ACTR6: variants seen among roughly 807,000 people sequenced by gnomAD.
ACTR6 encodes actin-related protein 6.
A neutral mutation model predicts 52.5 loss-of-function variants in ACTR6; 50 were observed. The observed-to-expected ratio is 0.95, with a 90% CI of 0.76 to 1.20. ACTR6 has a LOEUF of 1.20. ACTR6 is among the 50% of genes most tolerant of loss of function. ACTR6 has a pLI of 0.00. For synonymous variants in ACTR6, 135 were observed against 147.2 expected, an observed-to-expected ratio of 0.92 and a Z score of 0.60; for missense variants, 344 against 472.4, an observed-to-expected ratio of 0.73 and a Z score of 2.52.
At chr12:100,221,579 T>C (rs1479606865) in intron 10 of ACTR6, 1 of 152,060 alleles carries the variant, frequency 6.6e-6, no homozygotes, top group Non-Finnish European at 1.5e-5. Context: ...TAAATATATG[T>C]GTATACTTAT....
At position 100,218,634 on chromosome 12, in the gene ACTR6, C is replaced by T. The variant is rs2096125676; in HGVS notation, c.922+48C>T. 1.9e-5 allele frequency: 24 copies of T among 1,250,238 alleles called. No individual in the cohort carries two copies. Among genetic ancestry groups the T allele is most frequent in the Non-Finnish European group, 2.5e-5 (24 of 957,088 alleles). The allele number at this position is 1,250,238 out of a possible 1,614,324, so 77.4% of individuals were successfully genotyped here. On this transcript the variant is annotated intron_variant, in intron 9 of 10. Transcript: ENST00000188312. The surrounding 1 kb of genome is among the most constrained non-coding windows in gnomAD (Gnocchi z 4.2). ...TAAAGAATTATAATTGTTTTAAAAACATCATAAGCCCTGTGAACCCTGTTT... is the reference window on the plus strand; with the variant it reads ...TAAAGAATTATAATTGTTTTAAAAATATCATAAGCCCTGTGAACCCTGTTT...
At chr12:100,223,731 G>C in intron 10 of ACTR6, 55 bp from the exon 11 acceptor site, 2 of 1,560,732 alleles carry the variant, frequency 1.3e-6, no homozygotes, top group South Asian at 2.4e-5. Flanking sequence ...TTATGTTTCA[G>C]GCATTTCAGT....
intron 1 of ACTR6, among the ~76,000 whole-genome samples, chr12:100,203,269 T>G (rs1439139385): frequency 6.6e-6 from 1 of 152,138 alleles, no homozygotes; most frequent in Non-Finnish European, 1.5e-5. Context: ...CTATAGCATC[T>G]TGCTGATTGA....
intron 8 of ACTR6, among the ~76,000 whole-genome samples, chr12:100,217,091 T>C (rs1185775405): frequency 6.6e-6 from 1 of 152,188 alleles, no homozygotes; most frequent in Non-Finnish European, 1.5e-5. Flanking sequence ...CAGAGCCCAA[T>C]TGCATCATTA....
intron 8 of ACTR6, among the ~76,000 whole-genome samples, chr12:100,217,381 A>G (rs2096124700): frequency 6.6e-6 from 1 of 152,218 alleles, no homozygotes; most frequent in Admixed American, 6.5e-5. Context: ...AAATCTGAAT[A>G]GAGAGTAGAT....
chr12:100,206,924 C>G lies in ACTR6; in HGVS notation c.256-739C>G, dbSNP rs553531574. 6.6e-5 allele frequency among the ~76,000 whole-genome samples: 10 copies of G among 151,362 alleles called. No individual in the cohort carries two copies. The South Asian group carries it at 2.1e-3, about 32-fold the overall frequency. ...GGAACTCCTGACCTCAGGTGATCTGCCTGCCTCAGCCTCCCAAAGTCCTGG... is the reference window on the plus strand; with the variant it reads ...GGAACTCCTGACCTCAGGTGATCTGGCTGCCTCAGCCTCCCAAAGTCCTGG... On this transcript the variant is annotated intron_variant, in intron 3 of 10. Transcript: ENST00000188312.
intron 1 of ACTR6, among the ~76,000 whole-genome samples, chr12:100,202,281 T>A (rs552254854): frequency 4.3e-4 from 65 of 152,224 alleles, no homozygotes; most frequent in African/African-American, 1.4e-3. Context: ...AAGTGCTTTG[T>A]ATTATTCATA....
chr12:100,217,412 C>A (rs1375063502), intron 8 of ACTR6, among the ~76,000 whole-genome samples: 1 of 152,012 alleles, frequency 6.6e-6, no homozygotes, highest in Non-Finnish European at 1.5e-5. Context: ...ATTAAGGGAC[C>A]TATCCTTTTA....
At chr12:100,214,843 C>T (rs2096122758) in intron 8 of ACTR6, among the ~76,000 whole-genome samples, 1 of 152,160 alleles carries the variant, frequency 6.6e-6, no homozygotes, top group Admixed American at 6.6e-5. Flanking sequence ...ATAAGGTTGC[C>T]TGGGCATGTA....
chr12:100,223,188 A>G (rs916837832), intron 10 of ACTR6, among the ~76,000 whole-genome samples: 6 of 152,146 alleles, frequency 3.9e-5, no homozygotes, highest in African/African-American at 1.4e-4. Flanking sequence ...AAATACAAAA[A>G]AAATTAGCCA....
intron 8 of ACTR6, 102 bp downstream of exon 8, chr12:100,212,630 C>A: frequency 2.7e-6 from 2 of 742,550 alleles, no homozygotes; most frequent in Non-Finnish European, 4.6e-6. Context: ...GCCTGGGCAA[C>A]AAAGCAAGCC....
chr12:100,213,881 C>T (rs1446957650), intron 8 of ACTR6, among the ~76,000 whole-genome samples: 1 of 152,140 alleles, frequency 6.6e-6, no homozygotes, highest in East Asian at 1.9e-4. Flanking sequence ...TGGTCAGAAA[C>T]ATAAGCACAT....
At chr12:100,222,078 C>G (rs1323685205) in intron 10 of ACTR6, among the ~76,000 whole-genome samples, 1 of 151,922 alleles carries the variant, frequency 6.6e-6, no homozygotes, top group African/African-American at 2.4e-5. Context: ...CCTCAGCCTC[C>G]CGAATAGCTG....
intron 9 of ACTR6, 138 bp from the exon 10 acceptor site, chr12:100,219,870 G>A: frequency 1.2e-6 from 1 of 806,108 alleles, no homozygotes; most frequent in Non-Finnish European, 1.9e-6. Context: ...GAATGGACCT[G>A]AAAATTTATT....
chr12:100,221,698 G>C (rs1197245746), intron 10 of ACTR6: 1 of 152,006 alleles, frequency 6.6e-6, no homozygotes, highest in African/African-American at 2.4e-5. Flanking sequence ...GGGTGGCCAA[G>C]GTAGGGAGAT....
intron 1 of ACTR6, among the ~76,000 whole-genome samples, chr12:100,203,249 G>A (rs2096111378): frequency 6.6e-6 from 1 of 152,164 alleles, no homozygotes; most frequent in African/African-American, 2.4e-5. Flanking sequence ...TGCGGTTGGG[G>A]ATCCCTGCCC....
intron 3 of ACTR6, among the ~76,000 whole-genome samples, 175 bp downstream of exon 3, chr12:100,205,919 A>G (rs898068154): frequency 6.6e-6 from 1 of 152,204 alleles, no homozygotes; most frequent in African/African-American, 2.4e-5. Context: ...GAGTAAAGAT[A>G]GTCTGTATGA....
intron 2 of ACTR6, 124 bp from the exon 3 acceptor site, chr12:100,205,552 T>A: frequency 1.7e-6 from 1 of 599,418 alleles, no homozygotes; most frequent in Non-Finnish European, 2.7e-6. Context: ...CTGGAAATGG[T>A]AACCATAGAT....
chr12:100,201,384 A>T (rs1269858916), intron 1 of ACTR6, among the ~76,000 whole-genome samples: 1 of 152,252 alleles, frequency 6.6e-6, no homozygotes, highest in African/African-American at 2.4e-5. Flanking sequence ...CTACTGGCCG[A>T]CCTAGTTGGT....
Sources: gnomAD v4.1 joint callset for allele counts (sites outside exome capture counted in the v4.1 genomes callset) on GRCh38, gnomAD v4.1.1 for gene constraint, Gnocchi (gnomAD v3.1) non-coding constraint, MANE v1.5 for transcripts, NCBI Gene and HGNC (gene_info 2026-07-23, HGNC 2026-07-21) for gene names.